CAMSAP1: variants seen among roughly 807,000 people sequenced by gnomAD.
CAMSAP1 encodes the protein calmodulin-regulated spectrin-associated protein 1.
Under a neutral mutation model 143.5 loss-of-function variants are expected in CAMSAP1, and 58 were observed. The observed-to-expected ratio is 0.40, with a 90% CI of 0.33 to 0.50. The LOEUF (loss-of-function observed/expected upper bound fraction) is 0.50. CAMSAP1 is among the 20% of genes least tolerant of loss of function. CAMSAP1 has a pLI of 0.45. For synonymous variants in CAMSAP1, 945 were observed against 859.3 expected, an observed-to-expected ratio of 1.10 and a Z score of -1.74; for missense variants, 1,969 against 2,115.7, an observed-to-expected ratio of 0.93 and a Z score of 1.36.
At chr9:135,817,888 C>T in intron 14 of CAMSAP1, 89 bp downstream of exon 14, 1 of 959,340 alleles carries the variant, frequency 1.0e-6, no homozygotes, top group Non-Finnish European at 1.6e-6. Flanking sequence ...GTTACAAAAG[C>T]CTCTCTCACC....
At chr9:135,895,383 A>C (rs558801730) in intron 1 of CAMSAP1, among the ~76,000 whole-genome samples, 1 of 152,328 alleles carries the variant, frequency 6.6e-6, no homozygotes, top group South Asian at 2.1e-4. Context: ...AGCTCCAAAG[A>C]CTTCTCATCT....
chr9:135,854,723 G>C (rs1836892717), intron 5 of CAMSAP1, among the ~76,000 whole-genome samples: 1 of 152,138 alleles, frequency 6.6e-6, no homozygotes, highest in Non-Finnish European at 1.5e-5. Context: ...CAAAGTGCTA[G>C]AATTACAGGC....
intron 7 of CAMSAP1, among the ~76,000 whole-genome samples, chr9:135,842,075 T>C (rs2131719474): frequency 6.6e-6 from 1 of 152,282 alleles, no homozygotes; most frequent in South Asian, 2.1e-4. Flanking sequence ...ATGTTCTAAC[T>C]TAATGCAAGG....
intron 3 of CAMSAP1, among the ~76,000 whole-genome samples, chr9:135,871,122 T>A (rs1588491261): frequency 6.6e-6 from 1 of 152,202 alleles, no homozygotes; most frequent in Non-Finnish European, 1.5e-5. Flanking sequence ...GATAGGAGAA[T>A]CAGCTATCCT....
chr9:135,900,871 C>A (rs898229247), intron 1 of CAMSAP1, among the ~76,000 whole-genome samples: 10 of 152,032 alleles, frequency 6.6e-5, no homozygotes, highest in Non-Finnish European at 1.2e-4. Context: ...TCGTCTGCCT[C>A]AGCCTCCTGA....
At chr9:135,847,613 C>A (rs983246004) in intron 7 of CAMSAP1, among the ~76,000 whole-genome samples, 2 of 150,008 alleles carry the variant, frequency 1.3e-5, no homozygotes, top group Non-Finnish European at 3.0e-5. Context: ...GAACAGAAAA[C>A]CAAACACCGC....
chr9:135,905,898 A>T (rs1838762034), intron 1 of CAMSAP1, among the ~76,000 whole-genome samples: 2 of 152,222 alleles, frequency 1.3e-5, no homozygotes, highest in Non-Finnish European at 2.9e-5. Context: ...AACTCATGTG[A>T]AGTCTTGGAT....
At chr9:135,816,075 G>A (rs1261057253) in intron 14 of CAMSAP1, 70 bp from the exon 15 acceptor site, 15 of 1,421,522 alleles carry the variant, frequency 1.1e-5, no homozygotes, top group Non-Finnish European at 1.5e-5. Flanking sequence ...CTGGCAAGGG[G>A]CTGGCCCGCA....
chr9:135,818,314 C>T lies in CAMSAP1; in HGVS notation c.4168+94G>A, dbSNP rs1835315818. 1.0e-5 allele frequency: 14 copies of T among 1,361,166 alleles called. No individual in the cohort carries two copies. Among genetic ancestry groups the T allele is most frequent in the South Asian group, 1.4e-5 (1 of 71,674 alleles). The allele number at this position is 1,361,166 out of a possible 1,614,324, so 84.3% of individuals were successfully genotyped here. On this transcript the variant is annotated intron_variant, in intron 13 of 16. Coordinates refer to ENST00000389532, the MANE Select transcript of CAMSAP1 (RefSeq NM_015447.4). The surrounding 1 kb of genome is among the most constrained non-coding windows in gnomAD (Gnocchi z 7.7). The stretch of plus-strand genomic sequence containing the variant: ...TCATCTCCACCCTTCCCGCCTCACA[C>T]CACTCTTGATGACAAAATTGAAATG...
rs1835309043 is a variant in CAMSAP1, at chr9:135,818,156, C to G, written c.4169-77G>C. ...GTACCTGTCCCCTGTACCTGTTCCC[C>G]TCACCTCGCCCTGCAGAGCTCGGCC... On this transcript the variant is annotated intron_variant, in intron 13 of 16. Transcript: ENST00000389532. This position sits in a 1 kb window ranked among gnomAD's most constrained non-coding sequence, Gnocchi z 7.7. 2 of 1,448,078 alleles carry G rather than the reference C, an allele frequency of 1.4e-6. No homozygotes were observed. The highest frequency in any genetic ancestry group is 1.9e-6 in the Non-Finnish European group (2 of 1,049,018). 89.7% of individuals were successfully genotyped at this position (1,448,078 alleles called of 1,614,324 possible).
chr9:135,828,241 C>T (rs911478395), intron 7 of CAMSAP1, among the ~76,000 whole-genome samples: 1 of 152,226 alleles, frequency 6.6e-6, no homozygotes. Flanking sequence ...GAGAACTAAC[C>T]TATGGGAGGT....
chr9:135,868,873 C>G (rs1837476631), intron 3 of CAMSAP1, among the ~76,000 whole-genome samples: 1 of 152,032 alleles, frequency 6.6e-6, no homozygotes, highest in Non-Finnish European at 1.5e-5. Context: ...GCCTCAGCCT[C>G]CCAAAGTGCT....
At chr9:135,891,195 T>C (rs1838279936) in intron 1 of CAMSAP1, among the ~76,000 whole-genome samples, 1 of 152,084 alleles carries the variant, frequency 6.6e-6, no homozygotes, top group Non-Finnish European at 1.5e-5. Context: ...CTCCCACTTT[T>C]CTCTCCCAGC....
At chr9:135,833,272 G>A (rs961552785) in intron 7 of CAMSAP1, among the ~76,000 whole-genome samples, 6 of 151,988 alleles carry the variant, frequency 3.9e-5, no homozygotes, top group East Asian at 1.9e-4. Context: ...TAGTAGAGAC[G>A]GGGTTTCACC....
In CAMSAP1 at chr9:135,820,759, G is replaced by A. The variant is rs1160478871; in HGVS notation, c.3822+80C>T. 2.0e-6 allele frequency: 3 copies of A among 1,537,950 alleles called. No homozygotes were observed. The highest frequency in any genetic ancestry group is 1.7e-4 in the Middle Eastern group (1 of 5,788). On this transcript the variant is annotated intron_variant, in intron 11 of 16. Coordinates refer to ENST00000389532, the MANE Select transcript of CAMSAP1 (RefSeq NM_015447.4). This position sits in a 1 kb window ranked among gnomAD's most constrained non-coding sequence, Gnocchi z 4.4. ...AGGAGCGGCTGGCCAGCCTGGTGCA[G>A]ATCTGTGTTCTCTAACTCACTATCA...
At chr9:135,895,863 A>G (rs1446293494) in intron 1 of CAMSAP1, among the ~76,000 whole-genome samples, 1 of 152,208 alleles carries the variant, frequency 6.6e-6, no homozygotes, top group Non-Finnish European at 1.5e-5. Context: ...TACCCAGAGC[A>G]GTCACTAAGA....
intron 1 of CAMSAP1, among the ~76,000 whole-genome samples, chr9:135,888,646 G>C (rs566472967): frequency 4.6e-5 from 7 of 152,330 alleles, no homozygotes; most frequent in African/African-American, 1.7e-4. Flanking sequence ...CACTGAGAAA[G>C]TCACCTCTGC....
chr9:135,820,961 T>G lies in CAMSAP1; in HGVS notation c.3700A>C (p.Ile1234Leu). The G allele has an allele frequency of 6.2e-7, 1 of 1,613,578 alleles. No homozygotes were observed. ...TTCAGGTCGGAGAGGTCCACTTCAA[T>G]GAGGCTGGCCCTGCTCCTCAGAGGC... ...EEPLRSRASLIEVDLSDLKAP... is the reference protein window; with the variant it reads ...EEPLRSRASLLEVDLSDLKAP... The change falls in exon 11 of 17, where the codon ATT (isoleucine) becomes CTT (leucine). Residue 1234 changes from isoleucine (I) to leucine (L), a missense_variant. Ile to Leu is a conservative substitution (Grantham distance 5). Coordinates refer to ENST00000389532, the MANE Select transcript of CAMSAP1 (RefSeq NM_015447.4). The surrounding 1 kb of genome is among the most constrained non-coding windows in gnomAD (Gnocchi z 4.4).
chr9:135,883,526 A>T (rs1838026606), intron 1 of CAMSAP1, among the ~76,000 whole-genome samples: 1 of 152,230 alleles, frequency 6.6e-6, no homozygotes, highest in Admixed American at 6.5e-5. Context: ...CAGGGCTGGC[A>T]TCAGCCCGGG....
Sources: allele counts gnomAD v4.1 joint callset (sites outside exome capture counted in the v4.1 genomes callset), GRCh38; gene constraint gnomAD v4.1.1; non-coding constraint Gnocchi (gnomAD v3.1); transcripts MANE v1.5; gene names NCBI Gene and HGNC (gene_info 2026-07-23, HGNC 2026-07-21).